The following HNF1B variants were observed in gnomAD, a reference collection of about 807,000 sequenced individuals.
The protein encoded by HNF1B is HNF1 homeobox B, also known as hepatocyte nuclear factor 1-beta.
Under a neutral mutation model 61.7 loss-of-function variants are expected in HNF1B, and 8 were observed. That is an observed-to-expected ratio of 0.13 (90% CI 0.08 to 0.23). The LOEUF is 0.23. Among genes scored for constraint, HNF1B ranks in the 10% least tolerant of loss-of-function variants. HNF1B has a pLI of 1.00. For missense variants in HNF1B, 562 were observed against 714.5 expected (o/e 0.79, Z 2.43); for synonymous variants, 314 against 287.7 (o/e 1.09, Z -0.93).
At chr17:37,728,064 G>A (rs182758917) in intron 4 of HNF1B, among the ~76,000 whole-genome samples, 4 of 151,816 alleles carry the variant, frequency 2.6e-5, no homozygotes, top group Admixed American at 6.6e-5. Context: ...GGCCCATCTC[G>A]GCTCACTGCA....
In HNF1B at chr17:37,733,733, T is replaced by C. The variant is rs2033755677; in HGVS notation, c.633A>G (p.Gln211=). 2.5e-6 allele frequency: 4 copies of C among 1,614,190 alleles called. No homozygotes were observed. The highest frequency in any genetic ancestry group is 2.2e-5 in the East Asian group (1 of 44,886). Residue 211 remains glutamine (Q), a synonymous_variant, in exon 3 of 9, where the codon CAA becomes CAG. Coordinates refer to ENST00000617811, the MANE Select transcript of HNF1B (RefSeq NM_000458.4). ...CGGACTGCCCAGGCCCATGGCTCTG[T>C]TGACTGAACTCTGGAAAGAGAAACA... ...QLLFLFPEFS[Q]QSHGPGQSDD...
At chr17:37,736,036 G>A (rs2033823426) in intron 2 of HNF1B, among the ~76,000 whole-genome samples, 1 of 152,212 alleles carries the variant, frequency 6.6e-6, no homozygotes, top group Non-Finnish European at 1.5e-5. Context: ...CCAAAGCATT[G>A]GGGTTACAGG....
At chr17:37,737,836 A>G (rs939824833) in intron 2 of HNF1B, among the ~76,000 whole-genome samples, 2 of 152,140 alleles carry the variant, frequency 1.3e-5, no homozygotes, top group Non-Finnish European at 2.9e-5. Flanking sequence ...CCCCGTCTCA[A>G]AAAGTTAAAT....
intron 4 of HNF1B, among the ~76,000 whole-genome samples, chr17:37,719,009 C>A (rs2033216631): frequency 6.6e-6 from 1 of 152,192 alleles, no homozygotes; most frequent in Admixed American, 6.5e-5. Flanking sequence ...GCAATCACAG[C>A]TCACTGCAGC....
intron 5 of HNF1B, among the ~76,000 whole-genome samples, chr17:37,709,515 C>T (rs1461873679): frequency 6.6e-6 from 1 of 152,062 alleles, no homozygotes; most frequent in African/African-American, 2.4e-5. Flanking sequence ...CTCAGTCTCC[C>T]CAAGTGCTGG....
rs199518020 is a variant in HNF1B at position 37,694,438 on chromosome 17, GCC to G, written c.1653+4636_1653+4637del. ...CAAAACTCCATCCCCCCGCCCCGCC[GCC>G]CCCCCCCCCCCCCGCAAAAAAAAAA... On this transcript the variant is annotated intron_variant, in intron 8 of 8. Coordinates refer to ENST00000617811, the MANE Select transcript of HNF1B (RefSeq NM_000458.4). Among the ~76,000 whole-genome samples, 183 of 29,374 alleles carry G rather than the reference GCC, an allele frequency of 6.2e-3. 6 individuals carry two copies. The highest frequency in any genetic ancestry group is 0.021 in the African/African-American group (154 of 7,396). The allele number at this position is 29,374 out of a possible 152,430, so 19.3% of individuals were successfully genotyped here. A position where few individuals can be genotyped will look rare whatever the true frequency, so the allele number is the denominator to read the frequency against.
chr17:37,735,751 T>C lies in HNF1B; in HGVS notation c.545-1930A>G, dbSNP rs575876000. The stretch of plus-strand genomic sequence containing the variant: ...GATAGTGATGTTGGCCCAAATTCCT[T>C]TGGGGGTTATACTTTTTCTTTTTTT... On this transcript the variant is annotated intron_variant, in intron 2 of 8. Coordinates refer to ENST00000617811, the MANE Select transcript of HNF1B (RefSeq NM_000458.4). 5.3e-5 allele frequency among the ~76,000 whole-genome samples: 8 copies of C among 152,224 alleles called. No homozygotes were observed. In the South Asian group the frequency reaches 1.2e-3, roughly 24 times the overall value.
chr17:37,744,571 T>C lies in HNF1B; in HGVS notation c.314A>G (p.Glu105Gly), dbSNP rs375625110. 3.1e-5 allele frequency: 50 copies of C among 1,605,490 alleles called. No individual in the cohort carries two copies. The highest frequency in any genetic ancestry group is 4.2e-5 in the Non-Finnish European group (49 of 1,179,920). Residue 105 changes from glutamate (E) to glycine (G), a missense_variant, in exon 1 of 9, where the codon GAG (glutamate) becomes GGG (glycine). By Grantham distance (98) the Glu-to-Gly change is moderately conservative. Coordinates refer to ENST00000617811, the MANE Select transcript of HNF1B (RefSeq NM_000458.4). ...CATCCGGTCCACCTCCGCCCGCTGC[T>C]CCGCCGCCTCCTCGGTGTTGAGCGC... is the stretch of plus-strand genomic sequence containing the variant. ...LQALNTEEAA[E>G]QRAEVDRMLS...
chr17:37,730,394 C>T (rs976955763), intron 4 of HNF1B: 12 of 152,382 alleles, frequency 7.9e-5, no homozygotes, highest in African/African-American at 2.9e-4. Flanking sequence ...TCCTGTGTGG[C>T]TGAGCCTCTC....
At chr17:37,738,099 T>C (rs751985400) in intron 2 of HNF1B, among the ~76,000 whole-genome samples, 1 of 152,248 alleles carries the variant, frequency 6.6e-6, no homozygotes, top group Non-Finnish European at 1.5e-5. Context: ...GTTGGGTCTT[T>C]GGAGACAATG....
intron 8 of HNF1B, among the ~76,000 whole-genome samples, chr17:37,693,113 C>T (rs376634054): frequency 3.6e-4 from 54 of 150,822 alleles, no homozygotes; most frequent in African/African-American, 1.3e-3. Flanking sequence ...TTGCTTGTAC[C>T]CAGTAGGCGG....
Position 37,733,663 on chromosome 17 carries a change from G to A in HNF1B, c.703C>T (p.Arg235Trp), listed in dbSNP as rs193922491. 1 of 1,614,144 alleles carries A rather than the reference G, an allele frequency of 6.2e-7. No homozygotes were observed. The highest frequency in any genetic ancestry group is 8.5e-7 in the Non-Finnish European group (1 of 1,180,034). The change falls in exon 3 of 9, where the codon CGG becomes TGG. Residue 235 changes from arginine (R) to tryptophan (W), a missense_variant. Transcript: ENST00000617811. ...TGGGACGCGGGCCCCCATTTGAACC[G>A]GTTGCGGCGCATCTTCTTGTTGGTG... is the stretch of plus-strand genomic sequence containing the variant. Reference protein sequence around the residue: ...EPTNKKMRRNRFKWGPASQQI... With the variant: ...EPTNKKMRRNWFKWGPASQQI...
chr17:37,724,207 T>C (rs2107132), intron 4 of HNF1B, among the ~76,000 whole-genome samples: 79,658 of 151,978 alleles, frequency 0.52, 22,569 homozygotes, highest in African/African-American at 0.76. Flanking sequence ...CCCAGGCCTA[T>C]AGAATGAGAA....
intron 5 of HNF1B, among the ~76,000 whole-genome samples, chr17:37,708,659 T>A (rs555010610): frequency 6.6e-6 from 1 of 152,320 alleles, no homozygotes; most frequent in African/African-American, 2.4e-5. Context: ...TGGGACACTC[T>A]TGAGAAGTCA....
intron 2 of HNF1B, among the ~76,000 whole-genome samples, chr17:37,737,065 G>T (rs980083787): frequency 1.3e-5 from 2 of 152,068 alleles, no homozygotes; most frequent in African/African-American, 4.8e-5. Flanking sequence ...TGTGTAGAGG[G>T]GCCCATGAAT....
At chr17:37,731,922 T>C (rs2033700661) in intron 3 of HNF1B, 92 bp from the exon 4 acceptor site, 5 of 874,246 alleles carry the variant, frequency 5.7e-6, no homozygotes, top group Non-Finnish European at 9.2e-6. Context: ...GCAGTCTTGG[T>C]TGGGAGTATG....
In HNF1B at chr17:37,700,974, T is replaced by C. The variant is rs1392289686; in HGVS notation, c.1534+9A>G. 6.4e-7 allele frequency: 1 copy of C among 1,553,872 alleles called. No individual in the cohort carries two copies. The highest frequency in any genetic ancestry group is 1.4e-5 in the African/African-American group (1 of 73,392). On this transcript the variant is annotated intron_variant, in intron 7 of 8. Coordinates refer to ENST00000617811, the MANE Select transcript of HNF1B (RefSeq NM_000458.4). ...AGTGCTCCCTCCCTCCACATGCCCG[T>C]GTCCTTACTGTGTGAGTTCTGCAGC...
chr17:37,692,389 A>T (rs1417229594), intron 8 of HNF1B, among the ~76,000 whole-genome samples: 1 of 152,238 alleles, frequency 6.6e-6, no homozygotes, highest in African/African-American at 2.4e-5. Flanking sequence ...GGAGTGAGAA[A>T]GCCAGTCTGG....
At chr17:37,720,036 A>G (rs567763173) in intron 4 of HNF1B, among the ~76,000 whole-genome samples, 67 of 152,278 alleles carry the variant, frequency 4.4e-4, no homozygotes, top group South Asian at 1.2e-3. Flanking sequence ...GGCAGGCCCA[A>G]GGAGGCTCGT....
Sources: gnomAD v4.1 joint callset for allele counts (sites outside exome capture counted in the v4.1 genomes callset) on GRCh38, gnomAD v4.1.1 for gene constraint, MANE v1.5 for transcripts, NCBI Gene and HGNC (gene_info 2026-07-23, HGNC 2026-07-21) for gene names.